The following SPAG1 variants were observed in gnomAD, a reference collection of about 807,000 sequenced individuals.
SPAG1 encodes sperm-associated antigen 1.
Under a neutral mutation model 100.5 loss-of-function variants are expected in SPAG1, and 69 were observed. The ratio of observed to expected loss-of-function variants is 0.69; its 90% CI spans 0.57 to 0.84. The LOEUF is 0.84. Ranked by LOEUF, SPAG1 falls within the 40% of genes least tolerant of loss-of-function variation. The pLI is 0.00. For missense variants in SPAG1, 955 were observed against 1,133.1 expected, an observed-to-expected ratio of 0.84 and a Z score of 2.26; for synonymous variants, 336 against 411.6, an observed-to-expected ratio of 0.82 and a Z score of 2.22.
intron 12 of SPAG1, among the ~76,000 whole-genome samples, chr8:100,219,817 T>G (rs1018993269): frequency 3.9e-5 from 6 of 152,244 alleles, no homozygotes; most frequent in African/African-American, 7.2e-5. Flanking sequence ...TGAAGCCCTT[T>G]TGCAGCAAGT....
intron 14 of SPAG1, among the ~76,000 whole-genome samples, chr8:100,226,004 T>C (rs1297593082): frequency 6.6e-6 from 1 of 151,230 alleles, no homozygotes; most frequent in African/African-American, 2.4e-5. Context: ...GCTAGTTTTT[T>C]TTTTTTTTTT....
Position 100,162,293 on chromosome 8 carries a change from G to A in SPAG1, c.13G>A (p.Asp5Asn), listed in dbSNP as rs752985446. Residue 5 changes from aspartate (D) to asparagine (N), a missense_variant, in exon 2 of 19, where the codon GAT (aspartate) becomes AAT (asparagine). Coordinates refer to ENST00000388798, the MANE Select transcript of SPAG1 (RefSeq NM_003114.5). MTTK[D>N]YPSLWGFGTT... ...TTGTATTTCAGCTATGACCACCAAA[G>A]ATTATCCATCATTGTGGGGCTTTGG... 4.4e-6 allele frequency: 7 copies of A among 1,600,180 alleles called. No individual in the cohort carries two copies. The highest frequency in any genetic ancestry group is 1.7e-4 in the Middle Eastern group (1 of 6,026).
intron 10 of SPAG1, among the ~76,000 whole-genome samples, chr8:100,200,730 C>A (rs1762388820): frequency 6.6e-6 from 1 of 152,186 alleles, no homozygotes; most frequent in East Asian, 1.9e-4. Flanking sequence ...TGTCTGTTGG[C>A]TGCATAAATG....
At chr8:100,226,930 C>A (rs775372657) in intron 14 of SPAG1, among the ~76,000 whole-genome samples, 2 of 152,164 alleles carry the variant, frequency 1.3e-5, no homozygotes, top group Non-Finnish European at 2.9e-5. Context: ...AGGTACTATA[C>A]TCTTACTGTA....
rs747506730 is a variant in SPAG1 at position 100,168,687 on chromosome 8, C to CTTTTTTTTTTTTTT, written c.300+2725_300+2726insTTTTTTTTTTTTTT. ...AGCATGAGCCACCATGCCCAGCCAT[C>CTTTTTTTTTTTTTT]TTTTTTTTTTTGTTGTTGAGACAGA... On this transcript the variant is annotated intron_variant, in intron 3 of 18. Transcript: ENST00000388798. Among the ~76,000 whole-genome samples, 909 of 95,438 alleles carry CTTTTTTTTTTTTTT rather than the reference C, an allele frequency of 9.5e-3. 118 individuals carry two copies. The highest frequency in any genetic ancestry group is 0.013 in the African/African-American group (293 of 22,420). 62.6% of individuals were successfully genotyped at this position (95,438 alleles called of 152,430 possible). A position where few individuals can be genotyped will look rare whatever the true frequency, so the allele number is the denominator to read the frequency against.
intron 1 of SPAG1, among the ~76,000 whole-genome samples, chr8:100,161,261 C>T (rs541816182): frequency 1.3e-5 from 2 of 152,044 alleles, no homozygotes; most frequent in African/African-American, 4.8e-5. Context: ...GGAGGATCAC[C>T]GAGTCCAGAA....
chr8:100,197,351 A>G (rs1817077845), intron 10 of SPAG1, among the ~76,000 whole-genome samples: 1 of 152,176 alleles, frequency 6.6e-6, no homozygotes, highest in South Asian at 2.1e-4. Context: ...AGAAAAGTCA[A>G]TTGAGATGAA....
chr8:100,199,221 T>G (rs1048243678), intron 10 of SPAG1, among the ~76,000 whole-genome samples: 1 of 152,282 alleles, frequency 6.6e-6, no homozygotes, highest in African/African-American at 2.4e-5. Context: ...TATCCCATTT[T>G]ACATTCCCAC....
chr8:100,201,491 C>T (rs1817273352), intron 10 of SPAG1, among the ~76,000 whole-genome samples: 1 of 152,022 alleles, frequency 6.6e-6, no homozygotes, highest in Non-Finnish European at 1.5e-5. Context: ...GGTTATTGAT[C>T]CATTTTAATT....
chr8:100,196,710 T>C (rs1423829839), intron 10 of SPAG1, among the ~76,000 whole-genome samples: 2 of 152,162 alleles, frequency 1.3e-5, no homozygotes, highest in East Asian at 3.8e-4. Flanking sequence ...ATCCAGTTTT[T>C]TTAATGGACT....
chr8:100,191,967 C>T (rs1354023012), intron 9 of SPAG1, among the ~76,000 whole-genome samples: 1 of 152,050 alleles, frequency 6.6e-6, no homozygotes, highest in African/African-American at 2.4e-5. Flanking sequence ...CTGAGATTTT[C>T]CCCTGCTTAC....
intron 3 of SPAG1, among the ~76,000 whole-genome samples, chr8:100,172,721 G>A (rs1054131479): frequency 3.3e-5 from 5 of 150,308 alleles, no homozygotes; most frequent in Admixed American, 6.6e-5. Context: ...TATATACCTC[G>A]CAGATGCTAG....
At chr8:100,210,289 T>G (rs1406401346) in intron 10 of SPAG1, among the ~76,000 whole-genome samples, 1 of 152,200 alleles carries the variant, frequency 6.6e-6, no homozygotes, top group East Asian at 1.9e-4. Flanking sequence ...CTTTTTCTGT[T>G]AATGAGGTGT....
intron 3 of SPAG1, among the ~76,000 whole-genome samples, chr8:100,177,380 G>A (rs976863817): frequency 2.1e-4 from 32 of 151,864 alleles, no homozygotes; most frequent in Non-Finnish European, 3.5e-4. Context: ...GTCTCCTACA[G>A]TCAGTTTTAT....
chr8:100,238,623 A>G (rs7014250), intron 16 of SPAG1, among the ~76,000 whole-genome samples: 11,679 of 152,152 alleles, frequency 0.077, 1,330 homozygotes, highest in African/African-American at 0.25. Flanking sequence ...CTTTCCCTCA[A>G]CTTCTTCAGT....
In SPAG1 at chr8:100,186,443, G is replaced by A. The variant is rs192954741; in HGVS notation, c.702-677G>A. ...CGGTTTTTTTTAAAGTGATCTATAG[G>A]TATTTATCTTTTTCTACCTTCATTT... On this transcript the variant is annotated intron_variant, in intron 7 of 18. Coordinates refer to ENST00000388798, the MANE Select transcript of SPAG1 (RefSeq NM_003114.5). Among the ~76,000 whole-genome samples, 403 of 152,044 alleles carry A rather than the reference G, an allele frequency of 2.7e-3. 1 individual carries two copies. Among genetic ancestry groups the A allele is most frequent in the Non-Finnish European group, 4.3e-3 (291 of 67,984 alleles).
At chr8:100,217,076 A>T (rs189210012) in intron 12 of SPAG1, among the ~76,000 whole-genome samples, 172 of 151,442 alleles carry the variant, frequency 1.1e-3, no homozygotes, top group Non-Finnish European at 1.8e-3. Context: ...TGCTGGGATT[A>T]CAGGCACTCA....
intron 4 of SPAG1, among the ~76,000 whole-genome samples, chr8:100,178,557 C>G: frequency 6.6e-6 from 1 of 151,998 alleles, no homozygotes; most frequent in East Asian, 1.9e-4. Flanking sequence ...TCCTGGCATC[C>G]ATCTGACCTT....
chr8:100,205,669 C>T (rs1817475505), intron 10 of SPAG1, among the ~76,000 whole-genome samples: 1 of 152,110 alleles, frequency 6.6e-6, no homozygotes. Flanking sequence ...AATAATATCG[C>T]ATCCCTGGAG....
Sources: allele counts gnomAD v4.1 joint callset (sites outside exome capture counted in the v4.1 genomes callset), GRCh38; gene constraint gnomAD v4.1.1; transcripts MANE v1.5; gene names NCBI Gene and HGNC (gene_info 2026-07-23, HGNC 2026-07-21).